Variants in CADPS observed in about 807,000 individuals in gnomAD.
CADPS encodes calcium dependent secretion activator, also known as calcium-dependent secretion activator 1.
CADPS carries 57 observed loss-of-function variants against 167.3 expected under a neutral mutation model. The ratio of observed to expected loss-of-function variants is 0.34; its 90% CI spans 0.28 to 0.42. The LOEUF (loss-of-function observed/expected upper bound fraction) is 0.42, where lower values mean the gene tolerates loss of function less well. Among genes scored for constraint, CADPS ranks in the 20% least tolerant of loss-of-function variants. The pLI is 1.00. For synonymous variants in CADPS, 676 were observed against 635.3 expected, an observed-to-expected ratio of 1.06 and a Z score of -0.96; for missense variants, 1,414 against 1,738.1, an observed-to-expected ratio of 0.81 and a Z score of 3.32.
chr3:62,496,128 T>C (rs1042377050), intron 18 of CADPS, among the ~76,000 whole-genome samples: 7 of 151,658 alleles, frequency 4.6e-5, no homozygotes, highest in African/African-American at 1.5e-4. Flanking sequence ...TGAGTACTGA[T>C]CAGTAGAACA....
chr3:62,862,621 A>C (rs1399930815), intron 1 of CADPS, among the ~76,000 whole-genome samples: 1 of 152,186 alleles, frequency 6.6e-6, no homozygotes, highest in African/African-American at 2.4e-5. Flanking sequence ...CATACATTCC[A>C]GTTTTTTCAA....
chr3:62,461,116 T>G (rs2150291757), intron 26 of CADPS, among the ~76,000 whole-genome samples: 1 of 152,314 alleles, frequency 6.6e-6, no homozygotes, highest in Non-Finnish European at 1.5e-5. Flanking sequence ...GAGCTTAACC[T>G]TTCCAAGCCT....
chr3:62,681,545 G>A (rs761491828), intron 3 of CADPS, among the ~76,000 whole-genome samples: 6 of 151,962 alleles, frequency 3.9e-5, no homozygotes, highest in South Asian at 2.1e-4. Context: ...TATTATTTGC[G>A]TACACATCTA....
Position 62,697,453 on chromosome 3 carries a change from G to A in CADPS, c.889-35059C>T, listed in dbSNP as rs1182327041. Among the ~76,000 whole-genome samples, 4 of 152,052 alleles carry A rather than the reference G, an allele frequency of 2.6e-5. No homozygotes were observed. The East Asian group carries it at 7.8e-4, about 29-fold the overall frequency. On this transcript the variant is annotated intron_variant, in intron 3 of 29. Coordinates refer to ENST00000383710, the MANE Select transcript of CADPS (RefSeq NM_003716.4). Reference sequence around the variant, plus strand: ...TGCCATTAATTCATTCTTTTTTATGGCTGAGTAGCATTCTATCGTATATAT... The same window carrying A: ...TGCCATTAATTCATTCTTTTTTATGACTGAGTAGCATTCTATCGTATATAT...
intron 17 of CADPS, among the ~76,000 whole-genome samples, chr3:62,506,461 T>A (rs2066708028): frequency 6.6e-6 from 1 of 152,204 alleles, no homozygotes; most frequent in Non-Finnish European, 1.5e-5. Flanking sequence ...TAATTTAAAT[T>A]AAAGAAAGAA....
chr3:62,626,855 T>C (rs780747694), intron 6 of CADPS, among the ~76,000 whole-genome samples: 9 of 152,134 alleles, frequency 5.9e-5, no homozygotes, highest in Non-Finnish European at 1.0e-4. Context: ...GCTGATATGT[T>C]GTGAGGGGTA....
intron 23 of CADPS, among the ~76,000 whole-genome samples, chr3:62,476,250 G>T (rs1361353149): frequency 1.3e-5 from 2 of 152,108 alleles, no homozygotes; most frequent in African/African-American, 2.4e-5. Context: ...TTAGAACAAG[G>T]GACACAGAAT....
At chr3:62,497,433 T>C (rs545658391) in intron 18 of CADPS, among the ~76,000 whole-genome samples, 1 of 152,176 alleles carries the variant, frequency 6.6e-6, no homozygotes, top group Non-Finnish European at 1.5e-5. Flanking sequence ...CCTCCATGCC[T>C]CTGGAGATGA....
At position 62,602,172 on chromosome 3, in the gene CADPS, T is replaced by C. The variant is rs760026634; in HGVS notation, c.1326-9424A>G. On this transcript the variant is annotated intron_variant, in intron 6 of 29. Coordinates refer to ENST00000383710, the MANE Select transcript of CADPS (RefSeq NM_003716.4). This position sits in a 1 kb window ranked among gnomAD's most constrained non-coding sequence, Gnocchi z 4.4. ...GCAAACCTTTGACAACAGAGTGATA[T>C]TTACGAATGCATATGTGAGTAAGCC... 1.3e-5 allele frequency among the ~76,000 whole-genome samples: 2 copies of C among 150,988 alleles called. No individual in the cohort carries two copies. The highest frequency in any genetic ancestry group is 2.9e-5 in the Non-Finnish European group (2 of 67,914).
intron 6 of CADPS, among the ~76,000 whole-genome samples, chr3:62,643,014 A>G (rs2067767708): frequency 6.6e-6 from 1 of 152,204 alleles, no homozygotes; most frequent in South Asian, 2.1e-4. Context: ...GAGAAAAACT[A>G]CTAGAAGTGA....
At chr3:62,835,237 C>G (rs919656300) in intron 1 of CADPS, among the ~76,000 whole-genome samples, 10 of 152,042 alleles carry the variant, frequency 6.6e-5, no homozygotes, top group Admixed American at 5.2e-4. Context: ...TAAGTAGTAT[C>G]TCAAAATAAA....
chr3:62,418,487 A>ATTTTTTTTT (rs5849477), intron 28 of CADPS, among the ~76,000 whole-genome samples: 1 of 88,864 alleles, frequency 1.1e-5, no homozygotes, highest in Non-Finnish European at 2.1e-5. Context: ...ACCATGCCCT[A>ATTTTTTTTT]TTTTTTTTTT....
intron 24 of CADPS, among the ~76,000 whole-genome samples, chr3:62,471,354 G>A (rs2060589786): frequency 6.6e-6 from 1 of 152,190 alleles, no homozygotes; most frequent in Non-Finnish European, 1.5e-5. Context: ...TCCAACTGGG[G>A]TCTATGGTTT....
chr3:62,490,267 G>C (rs1283769006), intron 21 of CADPS, among the ~76,000 whole-genome samples: 2 of 151,984 alleles, frequency 1.3e-5, no homozygotes, highest in Non-Finnish European at 2.9e-5. Context: ...GCATCCCAAA[G>C]ATGTAAAATA....
chr3:62,570,279 G>A (rs2081051718), intron 9 of CADPS, among the ~76,000 whole-genome samples: 1 of 149,196 alleles, frequency 6.7e-6, no homozygotes, highest in African/African-American at 2.5e-5. Context: ...ATTTATCCTA[G>A]ATATTAAACA....
At chr3:62,862,718 T>C (rs1020703191) in intron 1 of CADPS, among the ~76,000 whole-genome samples, 1 of 152,232 alleles carries the variant, frequency 6.6e-6, no homozygotes, top group Non-Finnish European at 1.5e-5. Context: ...ACTATGACTT[T>C]CACAATTCTG....
intron 2 of CADPS, among the ~76,000 whole-genome samples, chr3:62,759,741 A>G (rs549410067): frequency 6.6e-6 from 1 of 152,288 alleles, no homozygotes; most frequent in Non-Finnish European, 1.5e-5. Flanking sequence ...GTTATCTAGG[A>G]TGATGGGATT....
chr3:62,511,088 T>G (rs1032555295), intron 17 of CADPS, among the ~76,000 whole-genome samples: 2 of 152,110 alleles, frequency 1.3e-5, no homozygotes, highest in African/African-American at 4.8e-5. Context: ...CAGCCTTCAA[T>G]GACTCTTCAT....
At chr3:62,457,223 C>T (rs1249802587) in intron 26 of CADPS, among the ~76,000 whole-genome samples, 3 of 152,132 alleles carry the variant, frequency 2.0e-5, no homozygotes, top group African/African-American at 7.2e-5. Context: ...TTTAATTCTA[C>T]CCACACCACA....
Sources: allele counts gnomAD v4.1 joint callset (sites outside exome capture counted in the v4.1 genomes callset), GRCh38; gene constraint gnomAD v4.1.1; non-coding constraint Gnocchi (gnomAD v3.1); transcripts MANE v1.5; gene names NCBI Gene and HGNC (gene_info 2026-07-23, HGNC 2026-07-21).